MYO3A: variants seen among roughly 807,000 people sequenced by gnomAD.
The protein encoded by MYO3A is myosin IIIA, also known as myosin-IIIa.
A neutral mutation model predicts 192.7 loss-of-function variants in MYO3A; 180 were observed. The observed-to-expected ratio is 0.93, with a 90% confidence interval of 0.83 to 1.06. The LOEUF is 1.06. Ranked by LOEUF, MYO3A falls within the 50% of genes least tolerant of loss-of-function variation. The pLI is 0.00. For synonymous variants in MYO3A, 628 were observed against 645.3 expected, an observed-to-expected ratio of 0.97 and a Z score of 0.41; for missense variants, 1,896 against 1,905.0, an observed-to-expected ratio of 1.00 and a Z score of 0.09.
chr10:26,166,334 C>A (rs1348648492), intron 27 of MYO3A, 156 bp downstream of exon 27: 2 of 721,612 alleles, frequency 2.8e-6, no homozygotes, highest in East Asian at 2.7e-5. Flanking sequence ...TAAAGATTTT[C>A]TTTTTCGTCA....
At chr10:26,100,825 C>T (rs1837396267) in intron 17 of MYO3A, among the ~76,000 whole-genome samples, 1 of 152,056 alleles carries the variant, frequency 6.6e-6, no homozygotes, top group South Asian at 2.1e-4. Flanking sequence ...ACTATGTGGT[C>T]AATTTTGGAA....
At position 26,180,797 on chromosome 10, in the gene MYO3A, T is replaced by TA. The variant is rs1394363130; in HGVS notation, c.4438+3953dup. On this transcript the variant is annotated intron_variant, in intron 31 of 34. Coordinates refer to ENST00000642920, the MANE Select transcript of MYO3A (RefSeq NM_017433.5). ...AAAGAAGAGATGCATAATGGAATGATACATTGTGTTTCTGAATTGAAAGAT... is the reference window on the plus strand; with the variant it reads ...AAAGAAGAGATGCATAATGGAATGATAACATTGTGTTTCTGAATTGAAAGAT... Among the ~76,000 whole-genome samples, 4 of 151,902 alleles carry TA rather than the reference T, an allele frequency of 2.6e-5. No individual in the cohort carries two copies. The South Asian group carries it at 6.2e-4, about 24-fold the overall frequency.
At chr10:26,006,398 A>G (rs1397413171) in intron 6 of MYO3A, among the ~76,000 whole-genome samples, 1 of 152,180 alleles carries the variant, frequency 6.6e-6, no homozygotes, top group Non-Finnish European at 1.5e-5. Flanking sequence ...AACTGAAGAA[A>G]ATAGAGACAC....
intron 4 of MYO3A, among the ~76,000 whole-genome samples, chr10:25,990,757 C>T (rs1018145871): frequency 1.4e-5 from 2 of 146,716 alleles, no homozygotes; most frequent in South Asian, 2.2e-4. Flanking sequence ...TGAGAAGATG[C>T]GATGTTTGGT....
At chr10:26,090,394 TC>T (rs1836627700) in intron 15 of MYO3A, among the ~76,000 whole-genome samples, 1 of 152,206 alleles carries the variant, frequency 6.6e-6, no homozygotes, top group Non-Finnish European at 1.5e-5. Flanking sequence ...AATAGCATAG[TC>T]AGGATTATAT....
At chr10:26,193,183 T>C (rs1265095602) in intron 31 of MYO3A, 22 bp from the exon 32 acceptor site, 1 of 1,531,978 alleles carries the variant, frequency 6.5e-7, no homozygotes, top group Non-Finnish European at 9.0e-7. Context: ...TAAATACTTG[T>C]TTATGATCAC....
intron 15 of MYO3A, among the ~76,000 whole-genome samples, chr10:26,094,420 CTTT>C (rs965507109): frequency 2.3e-4 from 23 of 101,308 alleles, no homozygotes; most frequent in African/African-American, 6.5e-4. Flanking sequence ...TGAATAATTT[CTTT>C]TTTTTTTTTT....
At chr10:26,080,052 G>A (rs1461749278) in intron 14 of MYO3A, among the ~76,000 whole-genome samples, 3 of 152,088 alleles carry the variant, frequency 2.0e-5, no homozygotes, top group Non-Finnish European at 4.4e-5. Context: ...TGTGCTTCTT[G>A]TATTTGGATG....
intron 2 of MYO3A, among the ~76,000 whole-genome samples, chr10:25,951,746 G>T (rs912650519): frequency 6.6e-6 from 1 of 152,022 alleles, no homozygotes; most frequent in African/African-American, 2.4e-5. Context: ...TCTTCTCTAA[G>T]GTTCATTCTA....
chr10:26,024,849 T>C (rs1422723417), intron 9 of MYO3A, among the ~76,000 whole-genome samples: 1 of 152,164 alleles, frequency 6.6e-6, no homozygotes, highest in Non-Finnish European at 1.5e-5. Context: ...CTGGTTGCTA[T>C]TGATTTGGTT....
intron 32 of MYO3A, among the ~76,000 whole-genome samples, chr10:26,198,990 T>C (rs1444821764): frequency 6.6e-6 from 1 of 152,234 alleles, no homozygotes; most frequent in African/African-American, 2.4e-5. Context: ...ATAAATTTCT[T>C]ATAAAATCCT....
At chr10:25,953,464 A>G (rs1277175956) in intron 3 of MYO3A, among the ~76,000 whole-genome samples, 1 of 152,114 alleles carries the variant, frequency 6.6e-6, no homozygotes, top group Non-Finnish European at 1.5e-5. Context: ...ATGTCTTCAC[A>G]TTCTCTTGGA....
At chr10:26,128,275 G>C in intron 19 of MYO3A, 116 bp from the exon 20 acceptor site, 1 of 1,049,428 alleles carries the variant, frequency 9.5e-7, no homozygotes, top group South Asian at 1.3e-5. Flanking sequence ...TTCACTCTAA[G>C]TGTATGTTCT....
chr10:26,190,691 G>A (rs867255528), intron 31 of MYO3A, among the ~76,000 whole-genome samples: 6 of 152,192 alleles, frequency 3.9e-5, no homozygotes, highest in Admixed American at 6.5e-5. Flanking sequence ...GACAAGGGGT[G>A]TTTAATAATG....
intron 20 of MYO3A, among the ~76,000 whole-genome samples, chr10:26,136,807 C>T (rs1401013144): frequency 1.3e-5 from 2 of 152,094 alleles, no homozygotes; most frequent in Admixed American, 1.3e-4. Context: ...TCACTTGAGG[C>T]CCGGGAGTTT....
Position 26,173,915 on chromosome 10 carries a change from T to A in MYO3A, c.3651T>A (p.Ser1217=). The A allele has an allele frequency of 6.2e-7, 1 of 1,613,484 alleles. No individual in the cohort carries two copies. Among genetic ancestry groups the A allele is most frequent in the Non-Finnish European group, 8.5e-7 (1 of 1,179,922 alleles). ...VGPEVSPKQK[S]VKDLEENSNL... ...CAGAAGTAAGCCCCAAACAGAAGTC[T>A]GTCAAAGACCTGGAAGAGAACAGCA... The change falls in exon 30 of 35, where the codon TCT becomes TCA. Residue 1217 remains serine (S), a synonymous_variant. Transcript: ENST00000642920.
Position 26,186,293 on chromosome 10 carries a change from G to T in MYO3A, c.4439-6912G>T, listed in dbSNP as rs560701068. ...TTTTTTTTTTTTTTTTTTAGATGGA[G>T]TCTTGCTGTGTCACCCAGGCTGGAG... On this transcript the variant is annotated intron_variant, in intron 31 of 34. Transcript: ENST00000642920. 1.2e-4 allele frequency among the ~76,000 whole-genome samples: 17 copies of T among 141,334 alleles called. No individual in the cohort carries two copies. In the East Asian group the frequency reaches 3.0e-3, roughly 25 times the overall value. The allele number at this position is 141,334 out of a possible 152,430, so 92.7% of individuals were successfully genotyped here.
At chr10:26,057,738 T>C (rs151073532) in intron 10 of MYO3A, among the ~76,000 whole-genome samples, 5 of 152,318 alleles carry the variant, frequency 3.3e-5, no homozygotes, top group African/African-American at 1.2e-4. Flanking sequence ...TTGGATCTAT[T>C]AGTCAGTGCC....
rs1182927847 is a variant in MYO3A, at chr10:26,173,943, C to T, written c.3679C>T (p.Leu1227=). 1.2e-6 allele frequency: 2 copies of T among 1,609,842 alleles called. No homozygotes were observed. Among genetic ancestry groups the T allele is most frequent in the African/African-American group, 2.7e-5 (2 of 74,450 alleles). ...CAAAGACCTGGAAGAGAACAGCAATCTAAGGAAAGTGGAGAAAGAGGAAGC... is the reference window on the plus strand; with the variant it reads ...CAAAGACCTGGAAGAGAACAGCAATTTAAGGAAAGTGGAGAAAGAGGAAGC... ...SVKDLEENSN[L]RKVEKEEAMI... Residue 1227 remains leucine, a synonymous_variant, in exon 30 of 35, where the codon CTA becomes TTA. Transcript: ENST00000642920.
Sources: allele counts gnomAD v4.1 joint callset (sites outside exome capture counted in the v4.1 genomes callset), GRCh38; gene constraint gnomAD v4.1.1; transcripts MANE v1.5; gene names NCBI Gene and HGNC (gene_info 2026-07-23, HGNC 2026-07-21).